PCDH9: variants seen among roughly 807,000 people sequenced by gnomAD.
PCDH9 encodes protocadherin 9, also known as protocadherin-9.
Under a neutral mutation model 70.6 loss-of-function variants are expected in PCDH9, and 24 were observed. The ratio of observed to expected loss-of-function variants is 0.34; its 90% CI spans 0.25 to 0.48. The LOEUF (loss-of-function observed/expected upper bound fraction) is 0.48. Ranked by LOEUF, PCDH9 falls within the 20% of genes least tolerant of loss-of-function variation. PCDH9 has a pLI of 0.99. For missense variants in PCDH9, 1,281 were observed against 1,503.6 expected (o/e 0.85, Z 2.45); for synonymous variants, 562 against 558.5 (o/e 1.01, Z -0.09).
In PCDH9 at chr13:67,139,898, C is replaced by CT. The variant is rs538361573; in HGVS notation, c.3036+85506dup. ...GCCAACTGAAATATTTTCAAGTACG[C>CT]TTTTTTTGGTGCTTGCAATTATTTT... is the stretch of plus-strand genomic sequence containing the variant. On this transcript the variant is annotated intron_variant, in intron 2 of 4. Coordinates refer to ENST00000377865, the MANE Select transcript of PCDH9 (RefSeq NM_203487.3). Among the ~76,000 whole-genome samples, 140 of 151,864 alleles carry CT rather than the reference C, an allele frequency of 9.2e-4. 1 individual carries two copies. The highest frequency in any genetic ancestry group is 3.1e-3 in the African/African-American group (129 of 41,420).
At chr13:67,037,657 T>C (rs2085036671) in intron 2 of PCDH9, among the ~76,000 whole-genome samples, 1 of 152,214 alleles carries the variant, frequency 6.6e-6, no homozygotes, top group South Asian at 2.1e-4. Flanking sequence ...GATACTAGGA[T>C]AGCTCTTTCA....
chr13:67,154,786 C>T (rs1051305548), intron 2 of PCDH9, among the ~76,000 whole-genome samples: 5 of 149,772 alleles, frequency 3.3e-5, no homozygotes, highest in Non-Finnish European at 7.4e-5. Flanking sequence ...CTCACTGCAA[C>T]CTCCGCCTCT....
At position 67,132,581 on chromosome 13, in the gene PCDH9, TA is replaced by T. The variant is rs555009852; in HGVS notation, c.3036+92823del. ...CAAATAGGTGGTAACATATAGTTCA[TA>T]GCAACAATGGCAGATGACACAAAAA... On this transcript the variant is annotated intron_variant, in intron 2 of 4. Coordinates refer to ENST00000377865, the MANE Select transcript of PCDH9 (RefSeq NM_203487.3). 2.9e-3 allele frequency among the ~76,000 whole-genome samples: 437 copies of T among 152,138 alleles called. 2 individuals carry two copies. Among genetic ancestry groups the T allele is most frequent in the Admixed American group, 3.2e-3 (49 of 15,248 alleles).
At chr13:66,317,303 C>T (rs1955671610) in intron 4 of PCDH9, among the ~76,000 whole-genome samples, 1 of 152,090 alleles carries the variant, frequency 6.6e-6, no homozygotes, top group Admixed American at 6.6e-5. Flanking sequence ...TAATTTTCAT[C>T]AAGAAAATAG....
chr13:67,096,772 TG>T (rs542861990), intron 2 of PCDH9, among the ~76,000 whole-genome samples: 4 of 152,076 alleles, frequency 2.6e-5, no homozygotes, highest in African/African-American at 7.2e-5. Context: ...AGGATGGTGA[TG>T]GGGGGAAACT....
intron 2 of PCDH9, among the ~76,000 whole-genome samples, chr13:66,972,312 A>G (rs1178012701): frequency 3.3e-5 from 5 of 152,000 alleles, no homozygotes; most frequent in African/African-American, 1.2e-4. Flanking sequence ...ATATACAAGA[A>G]TAATTACAGA....
chr13:66,370,926 G>A (rs939260262), intron 4 of PCDH9, among the ~76,000 whole-genome samples: 10 of 151,960 alleles, frequency 6.6e-5, no homozygotes, highest in African/African-American at 1.7e-4. Flanking sequence ...TTAAAGTCAT[G>A]TTATTCAACT....
chr13:66,476,158 CT>C (rs1476827921), intron 4 of PCDH9, among the ~76,000 whole-genome samples: 4 of 152,012 alleles, frequency 2.6e-5, no homozygotes, highest in East Asian at 1.9e-4. Context: ...TAACACCCCC[CT>C]ATCTTTATAA....
intron 3 of PCDH9, among the ~76,000 whole-genome samples, chr13:66,886,917 GT>G (rs572774911): frequency 1.0e-3 from 154 of 151,884 alleles, no homozygotes; most frequent in African/African-American, 3.1e-3. Context: ...GAATTGCTGT[GT>G]TTTTTTAACA....
Position 66,559,828 on chromosome 13 carries a change from A to ATG in PCDH9, c.3340+71381_3340+71382insCA, listed in dbSNP as rs1961925038. 2.4e-5 allele frequency among the ~76,000 whole-genome samples: 3 copies of ATG among 126,058 alleles called. No individual in the cohort carries two copies. In the East Asian group the frequency reaches 7.4e-4, roughly 31 times the overall value. 82.7% of individuals were successfully genotyped at this position (126,058 alleles called of 152,430 possible). A position where few individuals can be genotyped will look rare whatever the true frequency, so the allele number is the denominator to read the frequency against. The stretch of plus-strand genomic sequence containing the variant: ...AAAAAAAAAAAAAAAATATATATAT[A>ATG]TATATACACACACACACACACACAC... On this transcript the variant is annotated intron_variant, in intron 4 of 4. Coordinates refer to ENST00000377865, the MANE Select transcript of PCDH9 (RefSeq NM_203487.3).
intron 2 of PCDH9, among the ~76,000 whole-genome samples, chr13:67,191,136 AG>A (rs577155459): frequency 2.6e-5 from 4 of 152,138 alleles, no homozygotes; most frequent in Non-Finnish European, 5.9e-5. Flanking sequence ...CTTTTAAAAA[AG>A]AAAACAATTC....
intron 3 of PCDH9, among the ~76,000 whole-genome samples, chr13:66,860,605 AAAGAT>A (rs2081466614): frequency 1.3e-5 from 2 of 152,250 alleles, no homozygotes; most frequent in African/African-American, 4.8e-5. Flanking sequence ...CTTGCTATCT[AAAGAT>A]ATCAGCATGC....
intron 2 of PCDH9, among the ~76,000 whole-genome samples, chr13:66,915,202 G>A (rs1177875658): frequency 6.6e-6 from 1 of 151,338 alleles, no homozygotes; most frequent in Non-Finnish European, 1.5e-5. Context: ...AATAATTCAG[G>A]AAAATAATTT....
At chr13:66,448,280 A>G (rs756461350) in intron 4 of PCDH9, among the ~76,000 whole-genome samples, 1 of 152,338 alleles carries the variant, frequency 6.6e-6, no homozygotes, top group East Asian at 1.9e-4. Context: ...ACAGTACCCG[A>G]CATACATCCC....
chr13:66,792,898 A>G (rs1459186617), intron 3 of PCDH9, among the ~76,000 whole-genome samples: 4 of 151,790 alleles, frequency 2.6e-5, no homozygotes, highest in Non-Finnish European at 5.9e-5. Context: ...TAGTTACTAT[A>G]GTGTATTGAT....
intron 4 of PCDH9, among the ~76,000 whole-genome samples, chr13:66,583,703 GT>G (rs942853272): frequency 6.6e-6 from 1 of 152,030 alleles, no homozygotes; most frequent in Non-Finnish European, 1.5e-5. Flanking sequence ...AAATTATGCT[GT>G]TTAGGTAAGA....
At chr13:66,606,606 T>C (rs552776908) in intron 4 of PCDH9, among the ~76,000 whole-genome samples, 1 of 152,250 alleles carries the variant, frequency 6.6e-6, no homozygotes, top group Non-Finnish European at 1.5e-5. Flanking sequence ...CCAGACACAA[T>C]AGAATGCCTA....
chr13:67,186,064 T>A (rs908141941), intron 2 of PCDH9, among the ~76,000 whole-genome samples: 21 of 152,148 alleles, frequency 1.4e-4, no homozygotes, highest in African/African-American at 4.6e-4. Flanking sequence ...TTTAAGATTG[T>A]TCAAAAGTGA....
intron 4 of PCDH9, among the ~76,000 whole-genome samples, chr13:66,421,369 T>A (rs1342096839): frequency 6.6e-6 from 1 of 151,958 alleles, no homozygotes; most frequent in African/African-American, 2.4e-5. Context: ...GCAAGACACA[T>A]AATTGTCAGA....
Sources: gnomAD v4.1 joint callset for allele counts (sites outside exome capture counted in the v4.1 genomes callset) on GRCh38, gnomAD v4.1.1 for gene constraint, MANE v1.5 for transcripts, NCBI Gene and HGNC (gene_info 2026-07-23, HGNC 2026-07-21) for gene names.